PABPC4L: variants seen among roughly 807,000 people sequenced by gnomAD.
The protein encoded by PABPC4L is polyadenylate-binding protein 4-like.
For synonymous variants in PABPC4L, 169 were observed against 164.1 expected (o/e 1.03, Z -0.23); for missense variants, 452 against 451.4 (o/e 1.00, Z -0.01).
chr4:133,961,120 C>T, the PABPC4L span, among the ~76,000 whole-genome samples: 1 of 152,114 alleles, frequency 6.6e-6, no homozygotes, highest in Non-Finnish European at 1.5e-5. Flanking sequence ...AAAAATAGAA[C>T]ATTAAACCAC....
the PABPC4L span, among the ~76,000 whole-genome samples, chr4:134,122,776 AC>A: frequency 1.3e-5 from 2 of 151,910 alleles, no homozygotes; most frequent in African/African-American, 4.8e-5. Context: ...TACAATTTTT[AC>A]ATTTCCTTTT....
chr4:134,168,267 A>T, the PABPC4L span, among the ~76,000 whole-genome samples: 14 of 151,476 alleles, frequency 9.2e-5, no homozygotes, highest in Admixed American at 5.9e-4. Context: ...TATGGGATAC[A>T]GAAAAAGCAG....
the PABPC4L span, among the ~76,000 whole-genome samples, chr4:134,185,190 C>T: frequency 1.1e-4 from 16 of 151,900 alleles, no homozygotes; most frequent in African/African-American, 3.9e-4. Flanking sequence ...CGAATTGTGT[C>T]TTTGGTGTGG....
the PABPC4L span, among the ~76,000 whole-genome samples, chr4:134,143,478 A>T: frequency 6.7e-6 from 1 of 150,332 alleles, no homozygotes; most frequent in Non-Finnish European, 1.5e-5. Flanking sequence ...GATTTTTAAG[A>T]TATTTTTCAA....
the PABPC4L span, among the ~76,000 whole-genome samples, chr4:134,110,800 C>T: frequency 6.6e-6 from 1 of 151,938 alleles, no homozygotes; most frequent in Non-Finnish European, 1.5e-5. Flanking sequence ...AGTTGTTATA[C>T]TGCATTGTTT....
the PABPC4L span, among the ~76,000 whole-genome samples, chr4:134,031,642 A>G: frequency 2.0e-5 from 3 of 151,950 alleles, no homozygotes; most frequent in Non-Finnish European, 2.9e-5. Context: ...AACTGTATGT[A>G]ATAAGGTGAA....
the PABPC4L span, among the ~76,000 whole-genome samples, chr4:134,119,824 G>A: frequency 1.3e-5 from 2 of 151,622 alleles, no homozygotes; most frequent in African/African-American, 4.8e-5. Context: ...GATGTCATAT[G>A]AAGTGTCCTC....
the PABPC4L span, among the ~76,000 whole-genome samples, chr4:134,140,319 A>T: frequency 6.6e-6 from 1 of 151,948 alleles, no homozygotes; most frequent in Middle Eastern, 3.4e-3. Flanking sequence ...CATATATCAA[A>T]ACATCATGAT....
chr4:134,073,141 G>T, the PABPC4L span, among the ~76,000 whole-genome samples: 3 of 152,042 alleles, frequency 2.0e-5, no homozygotes, highest in Admixed American at 1.3e-4. Context: ...CAAGTCCAAA[G>T]TCCCATATAA....
chr4:134,015,001 T>C, the PABPC4L span, among the ~76,000 whole-genome samples: 3 of 151,976 alleles, frequency 2.0e-5, no homozygotes, highest in African/African-American at 4.8e-5. Flanking sequence ...TTGCCACCCT[T>C]CTTCCCAATC....
chr4:134,117,720 G>A, the PABPC4L span, among the ~76,000 whole-genome samples: 1 of 151,494 alleles, frequency 6.6e-6, no homozygotes, highest in African/African-American at 2.4e-5. Context: ...CTAGTTTGAA[G>A]AAAAAAATCA....
the PABPC4L span, among the ~76,000 whole-genome samples, chr4:134,172,991 A>C: frequency 2.6e-5 from 4 of 151,858 alleles, no homozygotes; most frequent in Non-Finnish European, 4.4e-5. Context: ...AGATAGATGC[A>C]TATAAAAACT....
the PABPC4L span, among the ~76,000 whole-genome samples, chr4:134,108,321 T>C: frequency 1.3e-5 from 2 of 151,850 alleles, no homozygotes; most frequent in African/African-American, 2.4e-5. Context: ...TTGTGTTGTA[T>C]TGAGTCATGT....
chr4:134,106,688 A>T, the PABPC4L span, among the ~76,000 whole-genome samples: 4 of 151,630 alleles, frequency 2.6e-5, no homozygotes, highest in Non-Finnish European at 5.9e-5. Flanking sequence ...AGACTAAGGG[A>T]TGAGAAAGTA....
At chr4:134,139,861 G>A in the PABPC4L span, among the ~76,000 whole-genome samples, 2 of 151,866 alleles carry the variant, frequency 1.3e-5, no homozygotes, top group African/African-American at 4.8e-5. Flanking sequence ...GATCTCTTGA[G>A]AATGAAGGAT....
At chr4:134,138,942 T>G in the PABPC4L span, among the ~76,000 whole-genome samples, 2 of 151,810 alleles carry the variant, frequency 1.3e-5, no homozygotes, top group Non-Finnish European at 2.9e-5. Context: ...TATCAGCTAG[T>G]GAAAGAAAAT....
the PABPC4L span, among the ~76,000 whole-genome samples, chr4:133,971,507 T>G: frequency 1.3e-5 from 2 of 152,158 alleles, no homozygotes; most frequent in African/African-American, 4.8e-5. Flanking sequence ...GCCAGTTTCG[T>G]GTCTAGCATC....
chr4:134,002,223 A>T, the PABPC4L span, among the ~76,000 whole-genome samples: 1 of 151,948 alleles, frequency 6.6e-6, no homozygotes, highest in South Asian at 2.1e-4. Context: ...TGAAAAACTC[A>T]TGCTTCTTTT....
At chr4:134,102,069 G>C in the PABPC4L span, among the ~76,000 whole-genome samples, 1 of 151,198 alleles carries the variant, frequency 6.6e-6, no homozygotes, top group Admixed American at 6.6e-5. Context: ...AAGTTTTATT[G>C]TTCCTGCAAA....
Sources: allele counts gnomAD v4.1 joint callset (sites outside exome capture counted in the v4.1 genomes callset), GRCh38; gene constraint gnomAD v4.1.1; transcripts MANE v1.5; gene names NCBI Gene and HGNC (gene_info 2026-07-23, HGNC 2026-07-21).